The following ECH1 variants were observed in gnomAD, a reference collection of about 807,000 sequenced individuals.
ECH1 encodes the protein enoyl-CoA hydratase 1, also known as delta(3,5)-Delta(2,4)-dienoyl-CoA isomerase, mitochondrial.
In ECH1, 30 loss-of-function variants were observed where a neutral mutation model predicts 37.0. The ratio of observed to expected loss-of-function variants is 0.81; its 90% CI spans 0.61 to 1.10. The LOEUF (loss-of-function observed/expected upper bound fraction) is 1.10. Among genes scored for constraint, ECH1 ranks in the 50% least tolerant of loss-of-function variants. ECH1 has a pLI of 0.00. For synonymous variants in ECH1, 178 were observed against 176.0 expected (o/e 1.01, Z -0.09); for missense variants, 456 against 441.6 (o/e 1.03, Z -0.29).
chr19:38,831,444 G>T lies in ECH1; in HGVS notation c.125C>A (p.Ala42Asp). Residue 42 changes from alanine (A) to aspartate (D), a missense_variant, in exon 2 of 10, where the codon GCT becomes GAT. Coordinates refer to ENST00000221418, the MANE Select transcript of ECH1 (RefSeq NM_001398.3). ...RLTGSSAQEE[A>D]SGVALGEAPD... ...GGCTTCACCGAGGGCTACTCCGGAAGCCTCCTCTTGTGCAGAGGAGCCAGT... is the reference window on the plus strand; with the variant it reads ...GGCTTCACCGAGGGCTACTCCGGAATCCTCCTCTTGTGCAGAGGAGCCAGT... 1.2e-6 allele frequency: 2 copies of T among 1,614,116 alleles called. No individual in the cohort carries two copies. Among genetic ancestry groups the T allele is most frequent in the Non-Finnish European group, 1.7e-6 (2 of 1,180,030 alleles).
At chr19:38,828,758 G>C (rs1971773773) in intron 3 of ECH1, among the ~76,000 whole-genome samples, 1 of 151,874 alleles carries the variant, frequency 6.6e-6, no homozygotes, top group Non-Finnish European at 1.5e-5. Flanking sequence ...TGGGACTAAA[G>C]GTGCCCGCCA....
intron 3 of ECH1, among the ~76,000 whole-genome samples, chr19:38,830,512 T>C (rs1971802995): frequency 6.6e-6 from 1 of 152,006 alleles, no homozygotes; most frequent in Admixed American, 6.6e-5. Context: ...GGGCTGGCCA[T>C]GGTGGCACCT....
rs773574397 is a variant in ECH1 at position 38,815,729 on chromosome 19, G to A, written c.883-12C>T. 6.8e-6 allele frequency: 11 copies of A among 1,613,990 alleles called. No homozygotes were observed. The highest frequency in any genetic ancestry group is 1.1e-5 in the South Asian group (1 of 91,052). ...ATGTTCCAGGACGCCTGGTACCGAG[G>A]GTGTTGAGAGAGAACGAGGAGAGAG... On this transcript the variant is annotated splice_polypyrimidine_tract_variant and intron_variant, in intron 9 of 9. Coordinates refer to ENST00000221418, the MANE Select transcript of ECH1 (RefSeq NM_001398.3).
intron 6 of ECH1, 160 bp downstream of exon 6, chr19:38,816,904 CT>C: frequency 2.4e-6 from 2 of 824,272 alleles, no homozygotes; most frequent in Non-Finnish European, 1.9e-6. Flanking sequence ...CACCTCATAC[CT>C]TACCCACTCA....
intron 3 of ECH1, among the ~76,000 whole-genome samples, chr19:38,820,665 A>G (rs1444671502): frequency 6.6e-6 from 1 of 151,998 alleles, no homozygotes; most frequent in Non-Finnish European, 1.5e-5. Context: ...TAGTAGTTCT[A>G]CTCTATCACT....
chr19:38,819,397 C>G (rs1971629020), intron 3 of ECH1, among the ~76,000 whole-genome samples: 1 of 152,042 alleles, frequency 6.6e-6, no homozygotes, highest in Admixed American at 6.6e-5. Flanking sequence ...CAACGATGGC[C>G]CCATCCCCCG....
At chr19:38,819,800 G>A (rs1971635010) in intron 3 of ECH1, among the ~76,000 whole-genome samples, 1 of 151,838 alleles carries the variant, frequency 6.6e-6, no homozygotes, top group East Asian at 2.0e-4. Context: ...GAAAAAATTA[G>A]CTGCACATGA....
intron 3 of ECH1, among the ~76,000 whole-genome samples, chr19:38,819,671 C>T (rs770423534): frequency 2.0e-5 from 3 of 151,960 alleles, no homozygotes; most frequent in Non-Finnish European, 2.9e-5. Context: ...TGGGGCTGGG[C>T]GTAGTGGCTC....
At chr19:38,828,476 C>T (rs960841706) in intron 3 of ECH1, among the ~76,000 whole-genome samples, 6 of 152,112 alleles carry the variant, frequency 3.9e-5, no homozygotes, top group African/African-American at 1.4e-4. Flanking sequence ...AAGTGATCCA[C>T]CCACCTCAGC....
chr19:38,822,087 C>T (rs569901201), intron 3 of ECH1, among the ~76,000 whole-genome samples: 171 of 151,890 alleles, frequency 1.1e-3, no homozygotes, highest in African/African-American at 3.8e-3. Flanking sequence ...CTGTTTCTAG[C>T]TCAAGGTTTG....
intron 3 of ECH1, among the ~76,000 whole-genome samples, chr19:38,819,621 C>A (rs1971632491): frequency 6.6e-6 from 1 of 152,046 alleles, no homozygotes; most frequent in Non-Finnish European, 1.5e-5. Flanking sequence ...CAGTCCCTGT[C>A]CTCATGGGGA....
chr19:38,820,789 G>A (rs1053589142), intron 3 of ECH1, among the ~76,000 whole-genome samples: 3 of 152,148 alleles, frequency 2.0e-5, no homozygotes, highest in African/African-American at 4.8e-5. Flanking sequence ...ACCTGGGCCC[G>A]GCACAGCCAC....
intron 5 of ECH1, 26 bp from the exon 6 acceptor site, chr19:38,817,155 G>A: frequency 6.4e-7 from 1 of 1,558,734 alleles, no homozygotes; most frequent in Non-Finnish European, 8.7e-7. Flanking sequence ...CAGGGATGCT[G>A]AATGACCACC....
intron 3 of ECH1, among the ~76,000 whole-genome samples, chr19:38,829,925 G>A (rs180700654): frequency 6.6e-5 from 10 of 152,264 alleles, no homozygotes; most frequent in Admixed American, 6.5e-4. Context: ...GAGGCCCTAG[G>A]TGGGTGGATG....
chr19:38,831,238 G>C (rs572972864), intron 2 of ECH1, 71 bp downstream of exon 2: 3 of 1,610,458 alleles, frequency 1.9e-6, no homozygotes, highest in Non-Finnish European at 2.5e-6. Context: ...TTCCCACAAC[G>C]TTCCACTTTC....
rs148749158 is a variant in ECH1, at chr19:38,815,869, G to A, written c.870C>T (p.Ser290=). 95 of 1,614,174 alleles carry A rather than the reference G, an allele frequency of 5.9e-5. No individual in the cohort carries two copies. In the African/African-American group the frequency reaches 1.1e-3, roughly 18 times the overall value. The change falls in exon 9 of 10, where the codon AGC becomes AGT. Residue 290 remains serine (S), a synonymous_variant. Transcript: ENST00000221418. ...LYSRDHSVAE[S]LNYVASWNMS... is the part of the protein sequence containing the mutation. ...GCGTGCACCTTACCACGTAGTTGAGGCTCTCGGCCACCGAATGGTCGCGGG... is the reference window on the plus strand; with the variant it reads ...GCGTGCACCTTACCACGTAGTTGAGACTCTCGGCCACCGAATGGTCGCGGG...
Position 38,831,743 on chromosome 19 carries a change from T to C in ECH1, c.30A>G (p.Arg10=). The part of the protein sequence containing the change: MAAGIVASR[R]LRDLLTRRLT... ...CACGCCGGGTCAGTAGGTCGCGGAG[T>C]CTGCGAGAAGCCACTATCCCCGCCG... is the stretch of plus-strand genomic sequence containing the variant. The change falls in exon 1 of 10, where the codon AGA becomes AGG. Residue 10 remains arginine, a synonymous_variant. Coordinates refer to ENST00000221418, the MANE Select transcript of ECH1 (RefSeq NM_001398.3). The C allele has an allele frequency of 1.9e-6, 3 of 1,612,694 alleles. No homozygotes were observed. The highest frequency in any genetic ancestry group is 2.5e-6 in the Non-Finnish European group (3 of 1,179,720).
At position 38,823,822 on chromosome 19, in the gene ECH1, C is replaced by T. The variant is rs182162359; in HGVS notation, c.350-6247G>A. 6.6e-5 allele frequency among the ~76,000 whole-genome samples: 10 copies of T among 152,332 alleles called. No homozygotes were observed. The East Asian group carries it at 1.9e-3, about 29-fold the overall frequency. ...CTGCCAGACAAACTTCCTCTCACCT[C>T]TCTTCTCCGAGTTTAGTCCTGCTTC... On this transcript the variant is annotated intron_variant, in intron 3 of 9. Transcript: ENST00000221418.
chr19:38,829,189 G>A, intron 3 of ECH1, among the ~76,000 whole-genome samples: 1 of 150,518 alleles, frequency 6.6e-6, no homozygotes, highest in Non-Finnish European at 1.5e-5. Context: ...GGAGGCTCAG[G>A]CAGGAGAATG....
Sources: gnomAD v4.1 joint callset for allele counts (sites outside exome capture counted in the v4.1 genomes callset) on GRCh38, gnomAD v4.1.1 for gene constraint, MANE v1.5 for transcripts, NCBI Gene and HGNC (gene_info 2026-07-23, HGNC 2026-07-21) for gene names.